XKR4: variants seen among roughly 807,000 people sequenced by gnomAD.
XKR4 encodes the protein XK related 4.
A neutral mutation model predicts 53.9 loss-of-function variants in XKR4; 12 were observed. The observed-to-expected ratio is 0.22, with a 90% CI of 0.14 to 0.36. The LOEUF (loss-of-function observed/expected upper bound fraction) is 0.36, where lower values mean the gene tolerates loss of function less well. Ranked by LOEUF, XKR4 falls within the 10% of genes least tolerant of loss-of-function variation. XKR4 has a pLI of 1.00. For synonymous variants in XKR4, 354 were observed against 362.4 expected, an observed-to-expected ratio of 0.98 and a Z score of 0.26; for missense variants, 799 against 859.5, an observed-to-expected ratio of 0.93 and a Z score of 0.88.
intron 2 of XKR4, among the ~76,000 whole-genome samples, chr8:55,376,813 T>C (rs367598920): frequency 6.6e-6 from 1 of 152,126 alleles, no homozygotes; most frequent in African/African-American, 2.4e-5. Context: ...GTGCATATCA[T>C]TAATTCTAAT....
chr8:55,450,308 GCATCTC>G, intron 2 of XKR4: 1 of 716,758 alleles, frequency 1.4e-6, no homozygotes, highest in Non-Finnish European at 2.3e-6. Context: ...CCCTCGGCCA[GCATCTC>G]CTCAGCGCAG....
intron 1 of XKR4, among the ~76,000 whole-genome samples, chr8:55,342,859 G>A (rs1803577922): frequency 6.6e-6 from 1 of 152,116 alleles, no homozygotes; most frequent in African/African-American, 2.4e-5. Flanking sequence ...CTTGTTTATT[G>A]CTTATCTTCC....
intron 2 of XKR4, among the ~76,000 whole-genome samples, chr8:55,402,206 G>A (rs986979949): frequency 3.3e-5 from 5 of 152,168 alleles, no homozygotes; most frequent in African/African-American, 1.2e-4. Flanking sequence ...GACCTCAGAG[G>A]TCTACTGGCC....
chr8:55,174,099 C>T (rs1331465795), intron 1 of XKR4, among the ~76,000 whole-genome samples: 1 of 151,852 alleles, frequency 6.6e-6, no homozygotes, highest in Non-Finnish European at 1.5e-5. Flanking sequence ...TTATTGGTAT[C>T]TAGAGTTCGG....
rs1806928668 is a variant in XKR4, at chr8:55,530,150, AGG to A, written c.*5924_*5925del. ...GAGAGAGGGAGGGAAGGAAGAAGGA[AGG>A]AAGGAAGGAAGGAAGGAAGGAAGGA... On this transcript the variant is annotated 3_prime_UTR_variant, in exon 3 of 3. Transcript: ENST00000327381. 2 of 3,884 alleles carry A rather than the reference AGG, an allele frequency of 5.1e-4. No individual in the cohort carries two copies. The highest frequency in any genetic ancestry group is 2.8e-3 in the Admixed American group (1 of 362). 0.2% of individuals were successfully genotyped at this position (3,884 alleles called of 1,614,324 possible).
chr8:55,540,075 G>A lies in XKR4; in HGVS notation c.*15848G>A, dbSNP rs1807079739. 1 of 152,184 alleles carries A rather than the reference G, an allele frequency of 6.6e-6. No individual in the cohort carries two copies. The highest frequency in any genetic ancestry group is 6.5e-5 in the Admixed American group (1 of 15,270). 9.4% of individuals were successfully genotyped at this position (152,184 alleles called of 1,614,324 possible). A position where few individuals can be genotyped will look rare whatever the true frequency, so the allele number is the denominator to read the frequency against. On this transcript the variant is annotated 3_prime_UTR_variant, in exon 3 of 3. Coordinates refer to ENST00000327381, the MANE Select transcript of XKR4 (RefSeq NM_052898.2). ...CATCACTGGAAGAAAGGAGACTTCA[G>A]CCTCTTTTCAAGGCTTTCCAGACCA...
At chr8:55,262,144 A>G (rs1355908872) in intron 1 of XKR4, among the ~76,000 whole-genome samples, 2 of 152,236 alleles carry the variant, frequency 1.3e-5, no homozygotes, top group Non-Finnish European at 2.9e-5. Flanking sequence ...ATGGACATTA[A>G]CAAATAGGTA....
intron 2 of XKR4, among the ~76,000 whole-genome samples, chr8:55,395,378 G>A (rs1160815318): frequency 1.3e-5 from 2 of 151,804 alleles, no homozygotes; most frequent in Admixed American, 1.3e-4. Context: ...GGCAGAGAGA[G>A]TCCAGGAAAG....
chr8:55,283,908 T>C (rs1008501855), intron 1 of XKR4, among the ~76,000 whole-genome samples: 1 of 152,164 alleles, frequency 6.6e-6, no homozygotes, highest in African/African-American at 2.4e-5. Context: ...AATTGCCCTT[T>C]GGTAAGTTTT....
At chr8:55,289,664 A>AAAG (rs1818967521) in intron 1 of XKR4, among the ~76,000 whole-genome samples, 1 of 97,844 alleles carries the variant, frequency 1.0e-5, no homozygotes, top group Admixed American at 1.1e-4. Flanking sequence ...GAAGGAAAAG[A>AAAG]AAAGAAAAGA....
chr8:55,417,549 A>AT (rs1804868517), intron 2 of XKR4, among the ~76,000 whole-genome samples: 2 of 152,338 alleles, frequency 1.3e-5, no homozygotes, highest in South Asian at 4.1e-4. Context: ...CAAACTGGTC[A>AT]TCACTCTAAC....
intron 2 of XKR4, among the ~76,000 whole-genome samples, chr8:55,437,964 A>AAAGAAG (rs140525104): frequency 8.8e-6 from 1 of 113,186 alleles, no homozygotes. Context: ...CAAAAAAAAA[A>AAAGAAG]AAGAAGAAGA....
At position 55,200,224 on chromosome 8, in the gene XKR4, C is replaced by T. The variant is rs997493841; in HGVS notation, c.806+96930C>T. 2.6e-5 allele frequency among the ~76,000 whole-genome samples: 4 copies of T among 152,134 alleles called. No individual in the cohort carries two copies. In the South Asian group the frequency reaches 6.2e-4, roughly 24 times the overall value. On this transcript the variant is annotated intron_variant, in intron 1 of 2. Coordinates refer to ENST00000327381, the MANE Select transcript of XKR4 (RefSeq NM_052898.2). ...ATGGGATTACAGGCGCCCACCACAA[C>T]GCCCAGCTAATTTTTGTATTTTTAG... is the stretch of plus-strand genomic sequence containing the variant.
intron 2 of XKR4, among the ~76,000 whole-genome samples, chr8:55,431,593 G>T (rs866225704): frequency 6.6e-6 from 1 of 152,152 alleles, no homozygotes; most frequent in Non-Finnish European, 1.5e-5. Flanking sequence ...TATCGCAGCC[G>T]ATTCTTTGTT....
intron 1 of XKR4, among the ~76,000 whole-genome samples, chr8:55,212,614 G>A (rs1174078271): frequency 6.6e-6 from 1 of 152,202 alleles, no homozygotes; most frequent in Non-Finnish European, 1.5e-5. Context: ...TGAGGAGAGG[G>A]CCAAAGGCAT....
chr8:55,396,375 T>A (rs1804517414), intron 2 of XKR4, among the ~76,000 whole-genome samples: 1 of 75,240 alleles, frequency 1.3e-5, no homozygotes, highest in East Asian at 3.1e-4. Flanking sequence ...AGGGGAAGGT[T>A]TTTTTGTGTT....
chr8:55,199,328 T>G (rs576669301), intron 1 of XKR4, among the ~76,000 whole-genome samples: 3 of 152,336 alleles, frequency 2.0e-5, no homozygotes, highest in Admixed American at 1.3e-4. Context: ...AGATTACAGT[T>G]AGGGACAGGA....
In XKR4 at chr8:55,382,759, T is replaced by C. The variant is rs529603937; in HGVS notation, c.1006+24882T>C. ...CATTTATCAATACTTGATTTCTTTT[T>C]AGCATCTGGTTTTTTTTTAACTATT... On this transcript the variant is annotated intron_variant, in intron 2 of 2. Coordinates refer to ENST00000327381, the MANE Select transcript of XKR4 (RefSeq NM_052898.2). Among the ~76,000 whole-genome samples, 75 of 152,346 alleles carry C rather than the reference T, an allele frequency of 4.9e-4. 4 individuals carry two copies. In the South Asian group the frequency reaches 0.015, roughly 30 times the overall value.
chr8:55,160,645 G>A (rs76068249), intron 1 of XKR4, among the ~76,000 whole-genome samples: 4,624 of 152,216 alleles, frequency 0.03, 183 homozygotes, highest in East Asian at 0.12. Flanking sequence ...TTCCCTATGA[G>A]TATGCATTGT....
Sources: allele counts gnomAD v4.1 joint callset (sites outside exome capture counted in the v4.1 genomes callset), GRCh38; gene constraint gnomAD v4.1.1; transcripts MANE v1.5; gene names NCBI Gene and HGNC (gene_info 2026-07-23, HGNC 2026-07-21).